IL11RA: variants seen among roughly 807,000 people sequenced by gnomAD.
The protein encoded by IL11RA is interleukin 11 receptor subunit alpha.
Under a neutral mutation model 57.0 loss-of-function variants are expected in IL11RA, and 51 were observed. The ratio of observed to expected loss-of-function variants is 0.89; its 90% confidence interval spans 0.71 to 1.13. The LOEUF (loss-of-function observed/expected upper bound fraction) is 1.13, where lower values mean the gene tolerates loss of function less well. IL11RA is among the 50% of genes most tolerant of loss of function. The pLI is 0.00. For missense variants in IL11RA, 498 were observed against 539.4 expected, an observed-to-expected ratio of 0.92 and a Z score of 0.76; for synonymous variants, 199 against 217.5, an observed-to-expected ratio of 0.91 and a Z score of 0.75.
Position 34,653,048 on chromosome 9 carries a change from A to G in IL11RA, c.-1+815A>G, listed in dbSNP as rs1005419643. On this transcript the variant is annotated intron_variant, in intron 1 of 12. Coordinates refer to ENST00000441545, the MANE Select transcript of IL11RA (RefSeq NM_001142784.3). The surrounding 1 kb of genome is among the most constrained non-coding windows in gnomAD (Gnocchi z 4.5). Reference sequence around the variant, plus strand: ...TCTCTCTGTCTCTCTCTGTGCCCCTATGCCTGCCTTCCCTGCTGATCTTGA... The same window carrying G: ...TCTCTCTGTCTCTCTCTGTGCCCCTGTGCCTGCCTTCCCTGCTGATCTTGA... Among the ~76,000 whole-genome samples the G allele has an allele frequency of 6.6e-6, 1 of 151,898 alleles. No individual in the cohort carries two copies. Among genetic ancestry groups the G allele is most frequent in the African/African-American group, 2.4e-5 (1 of 41,364 alleles).
In IL11RA at chr9:34,658,930, A is replaced by C. The variant is rs1821400993; in HGVS notation, c.810+247A>C. 6.6e-6 allele frequency among the ~76,000 whole-genome samples: 1 copy of C among 151,774 alleles called. No individual in the cohort carries two copies. Among genetic ancestry groups the C allele is most frequent in the East Asian group, 1.9e-4 (1 of 5,164 alleles). ...GATAGCAATGGCTTTTAAAAAAATA[A>C]CTTTTTTTTTTTGAGAGGGAGTCTC... On this transcript the variant is annotated intron_variant, in intron 8 of 12. Coordinates refer to ENST00000441545, the MANE Select transcript of IL11RA (RefSeq NM_001142784.3). This position sits in a 1 kb window ranked among gnomAD's most constrained non-coding sequence, Gnocchi z 4.0.
At chr9:34,657,190 A>G (rs1237302916) in intron 5 of IL11RA, 41 bp downstream of exon 5, 1 of 1,606,088 alleles carries the variant, frequency 6.2e-7, no homozygotes, top group East Asian at 2.2e-5. Context: ...ACATTTGGGT[A>G]TGCTGGTGCA....
intron 1 of IL11RA, among the ~76,000 whole-genome samples, chr9:34,654,336 C>G (rs1026497579): frequency 6.6e-6 from 1 of 152,168 alleles, no homozygotes; most frequent in Non-Finnish European, 1.5e-5. Flanking sequence ...CACACTGCCC[C>G]ATCACCTCCT....
intron 1 of IL11RA, 26 bp from the exon 2 acceptor site, chr9:34,655,192 A>G (rs1191968330): frequency 6.4e-7 from 1 of 1,554,358 alleles, no homozygotes; most frequent in Non-Finnish European, 8.8e-7. Context: ...GGGGTCGGGG[A>G]TTTTTGACTC....
rs1439230184 is a variant in IL11RA at position 34,655,295 on chromosome 9, C to T, written c.78C>T (p.Cys26=). 12 of 1,606,746 alleles carry T rather than the reference C, an allele frequency of 7.5e-6. No homozygotes were observed. Among genetic ancestry groups the T allele is most frequent in the Non-Finnish European group, 9.4e-6 (11 of 1,174,910 alleles). ...ATALVSASSP[C]PQAWGPPGVQ... ...CCCTGGTGTCTGCCTCCTCCCCCTG[C>T]CCCCAGGCCTGGGGCCCCCCAGGTG... is the stretch of plus-strand genomic sequence containing the variant. The change falls in exon 2 of 13, where the codon TGC becomes TGT. Residue 26 remains cysteine, a synonymous_variant. Coordinates refer to ENST00000441545, the MANE Select transcript of IL11RA (RefSeq NM_001142784.3).
At chr9:34,655,995 C>G in intron 3 of IL11RA, 1 of 387,876 alleles carries the variant, frequency 2.6e-6, no homozygotes, top group Non-Finnish European at 4.9e-6. Context: ...GGCAGAAAAA[C>G]CAAAGTGAGG....
intron 1 of IL11RA, among the ~76,000 whole-genome samples, chr9:34,654,835 G>C (rs1266735772): frequency 4.6e-5 from 7 of 152,140 alleles, no homozygotes; most frequent in Non-Finnish European, 8.8e-5. Flanking sequence ...GGACTGGAGG[G>C]GTTAATGGGA....
intron 7 of IL11RA, 111 bp downstream of exon 7, chr9:34,657,698 C>T: frequency 1.8e-6 from 2 of 1,089,936 alleles, no homozygotes; most frequent in Non-Finnish European, 2.7e-6. Context: ...GACTCCATTT[C>T]ACACAGAGAA....
chr9:34,656,901 G>T lies in IL11RA; in HGVS notation c.324G>T (p.Gln108His). The T allele has an allele frequency of 2.5e-6, 4 of 1,614,130 alleles. No individual in the cohort carries two copies. The highest frequency in any genetic ancestry group is 3.4e-6 in the Non-Finnish European group (4 of 1,180,004). ...CACTTGGGGGCACAGTGACCCTGCA[G>T]CTGGGCTGTGAGTTGGGGAGGGTGG... Reference protein sequence around the residue: ...DGALGGTVTLQLGYPPARPVV... With the variant: ...DGALGGTVTLHLGYPPARPVV... Residue 108 changes from glutamine to histidine, a missense_variant, in exon 4 of 13, where the codon CAG becomes CAT. Physicochemically the swap from Gln to His is conservative, Grantham distance 24 (BLOSUM62 0). Transcript: ENST00000441545.
In IL11RA at chr9:34,660,273, G is replaced by C. The variant is rs766739126; in HGVS notation, c.953-1G>C. 1 of 1,614,188 alleles carries C rather than the reference G, an allele frequency of 6.2e-7. No homozygotes were observed. The highest frequency in any genetic ancestry group is 1.7e-5 in the Admixed American group (1 of 60,028). On this transcript the variant is annotated splice_acceptor_variant, in intron 9 of 12. Transcript: ENST00000441545. LOFTEE classifies it high-confidence loss of function. ...ACTTATTGGGTCTTGCCTTCCTTTA[G>C]GGACCATACCAAAGGAGATACCAGC... is the stretch of plus-strand genomic sequence containing the variant.
At chr9:34,655,398 C>A in intron 2 of IL11RA, 81 bp downstream of exon 2, 1 of 920,518 alleles carries the variant, frequency 1.1e-6, no homozygotes, top group Non-Finnish European at 1.8e-6. Flanking sequence ...CCATGCCTAA[C>A]TTGTGACACC....
chr9:34,655,668 A>G lies in IL11RA; in HGVS notation c.161+3A>G, dbSNP rs372006173. 20 of 1,613,890 alleles carry G rather than the reference A, an allele frequency of 1.2e-5. No individual in the cohort carries two copies. The African/African-American group carries it at 2.1e-4, about 17-fold the overall frequency. ...TGTTGTCCTGGAGTGACTGCCGGGTAAGTGCCCCACCTGCCTGTTGGTCTG... is the reference window on the plus strand; with the variant it reads ...TGTTGTCCTGGAGTGACTGCCGGGTGAGTGCCCCACCTGCCTGTTGGTCTG... On this transcript the variant is annotated splice_donor_region_variant and intron_variant, in intron 3 of 12. Coordinates refer to ENST00000441545, the MANE Select transcript of IL11RA (RefSeq NM_001142784.3).
Position 34,659,860 on chromosome 9 carries a change from G to A in IL11RA, c.912G>A (p.Trp304Ter), listed in dbSNP as rs776289852. Reference sequence around the variant, plus strand: ...GGGACTTTCTAGATGCTGGCACCTGGAGCACCTGGAGCCCGGAGGCCTGGG... The same window carrying A: ...GGGACTTTCTAGATGCTGGCACCTGAAGCACCTGGAGCCCGGAGGCCTGGG... ...SARDFLDAGTWSTWSPEAWGT... is the reference protein window; with the variant it reads ...SARDFLDAGT Residue 304 changes from tryptophan to a stop codon, truncating the protein, a stop_gained, in exon 9 of 13, where the codon TGG (tryptophan) becomes TGA (stop). Coordinates refer to ENST00000441545, the MANE Select transcript of IL11RA (RefSeq NM_001142784.3). LOFTEE classifies it high-confidence loss of function. 2.5e-6 allele frequency: 4 copies of A among 1,614,176 alleles called. No individual in the cohort carries two copies. The highest frequency in any genetic ancestry group is 3.4e-6 in the Non-Finnish European group (4 of 1,180,028).
At chr9:34,655,044 G>A (rs1587244900) in intron 1 of IL11RA, 174 bp from the exon 2 acceptor site, 1 of 652,522 alleles carries the variant, frequency 1.5e-6, no homozygotes, top group East Asian at 2.8e-5. Context: ...CAAAGCACTG[G>A]GTATACAGTG....
chr9:34,653,533 G>T lies in IL11RA; in HGVS notation c.-1+1300G>T, dbSNP rs1357641934. Among the ~76,000 whole-genome samples, 1 of 152,204 alleles carries T rather than the reference G, an allele frequency of 6.6e-6. No homozygotes were observed. The highest frequency in any genetic ancestry group is 1.5e-5 in the Non-Finnish European group (1 of 68,040). On this transcript the variant is annotated intron_variant, in intron 1 of 12. Transcript: ENST00000441545. This position sits in a 1 kb window ranked among gnomAD's most constrained non-coding sequence, Gnocchi z 4.5. ...GTACCCTAAGGAAACATTTGGTGAG[G>T]AGTGAAAAGAGGGGGAGTTTGTATC...
Position 34,657,556 on chromosome 9 carries a change from A to G in IL11RA, c.615A>G (p.Thr205=), listed in dbSNP as rs1821371364. 1 of 1,614,012 alleles carries G rather than the reference A, an allele frequency of 6.2e-7. No individual in the cohort carries two copies. The highest frequency in any genetic ancestry group is 1.1e-5 in the South Asian group (1 of 91,088). The change falls in exon 7 of 13, where the codon ACA becomes ACG. Residue 205 remains threonine, a synonymous_variant. Transcript: ENST00000441545. ...VTEVNPLGAS[T]RLLDVSLQSI... ...AGGTGAACCCACTGGGTGCCAGCAC[A>G]CGCCTGCTGGATGTGAGCTTGCAGA...
intron 1 of IL11RA, chr9:34,655,002 T>TGTGTGTGC: frequency 1.8e-6 from 1 of 545,472 alleles, no homozygotes; most frequent in East Asian, 3.3e-5. Context: ...TCCGTGTGTG[T>TGTGTGTGC]GTGTGTGTGT....
At position 34,655,585 on chromosome 9, in the gene IL11RA, C is replaced by G. The variant is rs367888317; in HGVS notation, c.101-20C>G. 1.2e-5 allele frequency: 19 copies of G among 1,613,078 alleles called. No individual in the cohort carries two copies. In the African/African-American group the frequency reaches 2.3e-4, roughly 19 times the overall value. On this transcript the variant is annotated intron_variant, in intron 2 of 12. Coordinates refer to ENST00000441545, the MANE Select transcript of IL11RA (RefSeq NM_001142784.3). Reference sequence around the variant, plus strand: ...GAGGGGGGTAAAGGAAGAGCCTTACCTCAGAAGTGCCCTCCACAGGGGTCC... The same window carrying G: ...GAGGGGGGTAAAGGAAGAGCCTTACGTCAGAAGTGCCCTCCACAGGGGTCC...
intron 1 of IL11RA, among the ~76,000 whole-genome samples, chr9:34,652,769 G>C (rs1821276500): frequency 6.6e-6 from 1 of 152,134 alleles, no homozygotes; most frequent in Admixed American, 6.5e-5. Flanking sequence ...CCATGGGACT[G>C]ACCTTTCTCT....
Sources: allele counts gnomAD v4.1 joint callset (sites outside exome capture counted in the v4.1 genomes callset), GRCh38; gene constraint gnomAD v4.1.1; non-coding constraint Gnocchi (gnomAD v3.1); transcripts MANE v1.5; gene names NCBI Gene and HGNC (gene_info 2026-07-23, HGNC 2026-07-21).